Variants in ZNF33B observed in about 807,000 individuals in gnomAD.
ZNF33B encodes zinc finger protein 33B, also known as zinc finger protein 11b (KOX 2).
A neutral mutation model predicts 45.8 loss-of-function variants in ZNF33B; 29 were observed. The ratio of observed to expected loss-of-function variants is 0.63; its 90% CI spans 0.47 to 0.86. The LOEUF is 0.86. ZNF33B is among the 40% of genes least tolerant of loss of function. The pLI is 0.00. For synonymous variants in ZNF33B, 305 were observed against 307.8 expected (o/e 0.99, Z 0.10); for missense variants, 831 against 909.9 (o/e 0.91, Z 1.12).
intron 4 of ZNF33B, among the ~76,000 whole-genome samples, chr10:42,619,741 T>TG (rs1417802796): frequency 1.3e-5 from 2 of 152,196 alleles, no homozygotes; most frequent in African/African-American, 4.8e-5. Context: ...ATGAGTAAGG[T>TG]GCTAGGTAGA....
intron 4 of ZNF33B, among the ~76,000 whole-genome samples, chr10:42,611,300 C>A (rs1018431631): frequency 2.6e-5 from 4 of 151,928 alleles, no homozygotes; most frequent in Admixed American, 2.6e-4. Flanking sequence ...AAGATCATGC[C>A]ACTGCACTCC....
intron 2 of ZNF33B, among the ~76,000 whole-genome samples, chr10:42,635,156 C>T (rs1234002848): frequency 3.3e-5 from 5 of 151,810 alleles, no homozygotes; most frequent in African/African-American, 1.2e-4. Flanking sequence ...CAGGAGAATC[C>T]CTGGAGCCCT....
intron 4 of ZNF33B, among the ~76,000 whole-genome samples, chr10:42,618,431 C>G (rs1188570283): frequency 1.3e-5 from 2 of 152,166 alleles, no homozygotes; most frequent in Non-Finnish European, 1.5e-5. Context: ...TTTTATTTCT[C>G]AAGGATAAAT....
At chr10:42,617,279 C>G (rs1838368504) in intron 4 of ZNF33B, among the ~76,000 whole-genome samples, 1 of 150,540 alleles carries the variant, frequency 6.6e-6, no homozygotes, top group Non-Finnish European at 1.5e-5. Flanking sequence ...AATGTCTTTA[C>G]TTTTTGTAGA....
At chr10:42,610,357 G>A (rs556665184) in intron 4 of ZNF33B, among the ~76,000 whole-genome samples, 2 of 152,144 alleles carry the variant, frequency 1.3e-5, no homozygotes, top group Non-Finnish European at 2.9e-5. Context: ...CCAACATGGT[G>A]AAACCCTGTC....
At chr10:42,609,263 CA>C (rs1416788367) in intron 4 of ZNF33B, among the ~76,000 whole-genome samples, 1 of 151,846 alleles carries the variant, frequency 6.6e-6, no homozygotes, top group East Asian at 1.9e-4. Context: ...AAAAAAATTA[CA>C]AAAAATTAGC....
chr10:42,627,008 CTT>C lies in ZNF33B; in HGVS notation c.250+4919_250+4920del, dbSNP rs111639981. Among the ~76,000 whole-genome samples the C allele has an allele frequency of 2.1e-4, 31 of 145,408 alleles. 1 individual carries two copies. Among genetic ancestry groups the C allele is most frequent in the African/African-American group, 6.8e-4 (27 of 39,828 alleles). On this transcript the variant is annotated intron_variant, in intron 4 of 4. Coordinates refer to ENST00000359467, the MANE Select transcript of ZNF33B (RefSeq NM_006955.3). ...ACATTTCTTCTATGTTGTCATTTTTCTTTTTTTTTTTGGAGACAGAGTTTTGC... is the reference window on the plus strand; with the variant it reads ...ACATTTCTTCTATGTTGTCATTTTTCTTTTTTTTTGGAGACAGAGTTTTGC...
chr10:42,601,019 G>C (rs1837596622), intron 4 of ZNF33B, among the ~76,000 whole-genome samples: 1 of 152,148 alleles, frequency 6.6e-6, no homozygotes, highest in Non-Finnish European at 1.5e-5. Flanking sequence ...TGTTTAACTG[G>C]AATGTCCTTA....
At chr10:42,619,566 T>G (rs112319014) in intron 4 of ZNF33B, among the ~76,000 whole-genome samples, 3,073 of 152,260 alleles carry the variant, frequency 0.02, 105 homozygotes, top group African/African-American at 0.07. Context: ...TCCAATAAAG[T>G]TAACTATATA....
chr10:42,588,008 A>G (rs538314386), downstream of ZNF33B, among the ~76,000 whole-genome samples: 1 of 152,280 alleles, frequency 6.6e-6, no homozygotes, highest in Non-Finnish European at 1.5e-5. Flanking sequence ...CAAACCTCAC[A>G]ATAGGCCATC....
intron 4 of ZNF33B, among the ~76,000 whole-genome samples, chr10:42,604,968 T>C (rs1589039115): frequency 6.7e-6 from 1 of 149,054 alleles, no homozygotes; most frequent in Non-Finnish European, 1.5e-5. Context: ...GGCAAAATAA[T>C]CAGTAAACTT....
At chr10:42,614,727 G>A (rs182621175) in intron 4 of ZNF33B, among the ~76,000 whole-genome samples, 194 of 152,166 alleles carry the variant, frequency 1.3e-3, no homozygotes, top group Admixed American at 4.1e-3. Context: ...AGGCCAAGGC[G>A]GGTGGATCAT....
chr10:42,620,601 A>T (rs1838531638), intron 4 of ZNF33B, among the ~76,000 whole-genome samples: 1 of 151,328 alleles, frequency 6.6e-6, no homozygotes, highest in Non-Finnish European at 1.5e-5. Flanking sequence ...GTAGAAACGG[A>T]GTCTCACTTT....
chr10:42,633,323 A>T (rs1275686627), intron 2 of ZNF33B, among the ~76,000 whole-genome samples: 3 of 152,198 alleles, frequency 2.0e-5, no homozygotes, highest in Non-Finnish European at 4.4e-5. Flanking sequence ...TCTAGGGCAC[A>T]TCTTTTAGGG....
rs747963792 is a variant in ZNF33B, at chr10:42,594,447, T to C, written c.503A>G (p.Asp168Gly). 3.7e-6 allele frequency: 6 copies of C among 1,613,668 alleles called. No individual in the cohort carries two copies. In the East Asian group the frequency reaches 1.3e-4, roughly 36 times the overall value. ...SKINYLGKKS[D>G]EFNACGKLLL... ...CAATTTCCCACATGCATTAAATTCG[T>C]CAGACTTTTTTCCTAAATAGTTTAT... The change falls in exon 5 of 5, where the codon GAC becomes GGC. Residue 168 changes from aspartate to glycine, a missense_variant. Asp to Gly is a moderately conservative substitution (Grantham distance 94, BLOSUM62 -1). Coordinates refer to ENST00000359467, the MANE Select transcript of ZNF33B (RefSeq NM_006955.3).
At chr10:42,581,138 T>C (rs1315925598) in intron 1 of ZNF33B, among the ~76,000 whole-genome samples, 1 of 152,064 alleles carries the variant, frequency 6.6e-6, no homozygotes, top group Non-Finnish European at 1.5e-5. Flanking sequence ...CGTATTTCCT[T>C]TTCTTTATGC....
At chr10:42,599,623 T>C (rs1229396306) in intron 4 of ZNF33B, among the ~76,000 whole-genome samples, 1 of 152,014 alleles carries the variant, frequency 6.6e-6, no homozygotes, top group Admixed American at 6.6e-5. Context: ...GGAAACTTCA[T>C]ATATGCATTT....
chr10:42,575,428 A>G (rs1423884856), intron 1 of ZNF33B, among the ~76,000 whole-genome samples: 2 of 152,084 alleles, frequency 1.3e-5, no homozygotes, highest in African/African-American at 4.8e-5. Context: ...CTGCCTATGG[A>G]TTTTGCACTA....
intron 4 of ZNF33B, among the ~76,000 whole-genome samples, chr10:42,607,060 G>A (rs1351416810): frequency 6.6e-6 from 1 of 151,974 alleles, no homozygotes; most frequent in Non-Finnish European, 1.5e-5. Flanking sequence ...TCAGATTTGG[G>A]ATGCTCAGCC....
Sources: allele counts gnomAD v4.1 joint callset (sites outside exome capture counted in the v4.1 genomes callset), GRCh38; gene constraint gnomAD v4.1.1; transcripts MANE v1.5; gene names NCBI Gene and HGNC (gene_info 2026-07-23, HGNC 2026-07-21).